LIPA: variants seen among roughly 807,000 people sequenced by gnomAD.
LIPA encodes lysosomal acid lipase/cholesteryl ester hydrolase.
A neutral mutation model predicts 40.6 loss-of-function variants in LIPA; 26 were observed. That is an observed-to-expected ratio of 0.64 (90% CI 0.47 to 0.89). The LOEUF (loss-of-function observed/expected upper bound fraction) is 0.89, where lower values mean the gene tolerates loss of function less well. LIPA is among the 40% of genes least tolerant of loss of function. The pLI, the probability that LIPA is intolerant of heterozygous loss-of-function variation, is 0.00. For synonymous variants in LIPA, 188 were observed against 168.4 expected, an observed-to-expected ratio of 1.12 and a Z score of -0.90; for missense variants, 455 against 479.6, an observed-to-expected ratio of 0.95 and a Z score of 0.48.
At chr10:89,333,215 GGTGTTGCTTGCA>G (rs1036960899) in intron 1 of LIPA, among the ~76,000 whole-genome samples, 5 of 152,306 alleles carry the variant, frequency 3.3e-5, no homozygotes, top group African/African-American at 1.2e-4. Context: ...ACAGGGAGAA[GGTGTTGCTTGCA>G]GTCTCTCAAA....
At chr10:89,293,125 C>G (rs1843385795) in intron 1 of LIPA, among the ~76,000 whole-genome samples, 1 of 152,134 alleles carries the variant, frequency 6.6e-6, no homozygotes, top group Non-Finnish European at 1.5e-5. Context: ...ATATTATTCT[C>G]ATGATAATGA....
chr10:89,395,189 A>G (rs1378496050), intron 2 of LIPA, among the ~76,000 whole-genome samples: 1 of 80,016 alleles, frequency 1.2e-5, no homozygotes, highest in South Asian at 5.3e-4. Flanking sequence ...CCCCACCCCC[A>G]CCCCACATGG....
intron 1 of LIPA, among the ~76,000 whole-genome samples, chr10:89,313,314 T>C (rs1306473860): frequency 6.6e-6 from 1 of 152,204 alleles, no homozygotes; most frequent in East Asian, 1.9e-4. Context: ...ATTTTTCAGT[T>C]TATCCTTTAG....
intron 6 of LIPA, 29 bp downstream of exon 6, chr10:89,225,063 G>T (rs369726199): frequency 1.2e-6 from 2 of 1,612,232 alleles, no homozygotes; most frequent in Non-Finnish European, 1.7e-6. Context: ...TCTGCGGGGA[G>T]AGGAGAGGGA....
At chr10:89,297,917 T>C (rs1481416904) in intron 1 of LIPA, among the ~76,000 whole-genome samples, 2 of 152,194 alleles carry the variant, frequency 1.3e-5, no homozygotes, top group Admixed American at 1.3e-4. Flanking sequence ...ATGGCCTCTG[T>C]GCCTAGGCTC....
In LIPA at chr10:89,316,133, A is replaced by C. The variant is rs566559079; in HGVS notation, c.-2+26478T>G. Among the ~76,000 whole-genome samples the C allele has an allele frequency of 2.6e-5, 4 of 152,296 alleles. No individual in the cohort carries two copies. The East Asian group carries it at 7.7e-4, about 29-fold the overall frequency. Reference sequence around the variant, plus strand: ...AAGATGGCCAAATAGGAACAGCTCCAGTCTATAGCTCCCAGCATGAGTGAT... The same window carrying C: ...AAGATGGCCAAATAGGAACAGCTCCCGTCTATAGCTCCCAGCATGAGTGAT... On this transcript the variant is annotated intron_variant, in intron 1 of 5. Coordinates refer to the LIPA transcript ENST00000282673.
intron 4 of LIPA, among the ~76,000 whole-genome samples, chr10:89,227,928 C>T (rs1047412363): frequency 3.3e-5 from 5 of 152,164 alleles, no homozygotes; most frequent in African/African-American, 9.7e-5. Context: ...TATGGAATAA[C>T]GTTTACCCAG....
intron 3 of LIPA, among the ~76,000 whole-genome samples, chr10:89,243,325 G>A (rs1218900750): frequency 6.6e-6 from 1 of 152,180 alleles, no homozygotes; most frequent in Non-Finnish European, 1.5e-5. Context: ...TTAGAGAACT[G>A]AGTTGTTCAC....
chr10:89,341,434 T>C (rs909025021), intron 1 of LIPA, among the ~76,000 whole-genome samples: 2 of 152,244 alleles, frequency 1.3e-5, no homozygotes, highest in African/African-American at 4.8e-5. Context: ...CATGGGGGAA[T>C]AGCCTCCATG....
At chr10:89,260,171 C>G (rs1027390633) in intron 1 of LIPA, among the ~76,000 whole-genome samples, 1 of 152,190 alleles carries the variant, frequency 6.6e-6, no homozygotes, top group Non-Finnish European at 1.5e-5. Context: ...AACCACCCAA[C>G]AGAGGTGTTT....
chr10:89,340,425 G>C, intron 1 of LIPA: 3 of 194,376 alleles, frequency 1.5e-5, no homozygotes, highest in Non-Finnish European at 3.2e-5. Flanking sequence ...AGGCGTGGTG[G>C]CTGGCACCTG....
intron 2 of LIPA, among the ~76,000 whole-genome samples, chr10:89,410,520 G>A (rs992693871): frequency 1.3e-5 from 2 of 152,260 alleles, no homozygotes; most frequent in African/African-American, 4.8e-5. Context: ...GACAGATTAT[G>A]CCATATTTAG....
chr10:89,232,962 C>T (rs1476193475), intron 3 of LIPA, among the ~76,000 whole-genome samples: 4 of 152,184 alleles, frequency 2.6e-5, no homozygotes, highest in Non-Finnish European at 4.4e-5. Context: ...ATGTGCTACC[C>T]AGGAGACCAC....
intron 2 of LIPA, chr10:89,384,786 T>A: frequency 7.1e-7 from 1 of 1,409,680 alleles, no homozygotes; most frequent in Non-Finnish European, 9.7e-7. Flanking sequence ...CTAAATAGAA[T>A]GACTATGAAA....
chr10:89,247,371 C>T (rs576103274), intron 2 of LIPA, among the ~76,000 whole-genome samples, 167 bp downstream of exon 2: 16 of 91,574 alleles, frequency 1.7e-4, no homozygotes, highest in African/African-American at 7.4e-4. Context: ...CAGAGTAAGA[C>T]TCTGCCTCAA....
At chr10:89,333,287 A>G (rs1843677704) in intron 1 of LIPA, among the ~76,000 whole-genome samples, 1 of 152,204 alleles carries the variant, frequency 6.6e-6, no homozygotes, top group South Asian at 2.1e-4. Context: ...CTTCTAATAG[A>G]ATGCAAATTT....
Position 89,223,813 on chromosome 10 carries a change from T to G in LIPA, c.693A>C (p.Lys231Asn). The G allele has an allele frequency of 6.2e-7, 1 of 1,614,138 alleles. No individual in the cohort carries two copies. Among genetic ancestry groups the G allele is most frequent in the Non-Finnish European group, 8.5e-7 (1 of 1,180,022 alleles). The change falls in exon 7 of 10, where the codon AAA (lysine) becomes AAC (asparagine). Residue 231 changes from lysine (K) to asparagine (N), a missense_variant. Transcript: ENST00000336233. ...AAAACGCACTCTGGGGAAGAAATTCTTTGTCTCCAAATAAGTCCTACAAAA... is the reference window on the plus strand; with the variant it reads ...AAAACGCACTCTGGGGAAGAAATTCGTTGTCTCCAAATAAGTCCTACAAAA... ...DHLIKDLFGD[K>N]EFLPQSAFLK...
Position 89,247,622 on chromosome 10 carries a change from C to G in LIPA, c.27G>C (p.Val9=), listed in dbSNP as rs768712010. 28 of 1,612,494 alleles carry G rather than the reference C, an allele frequency of 1.7e-5. No individual in the cohort carries two copies. Among genetic ancestry groups the G allele is most frequent in the East Asian group, 2.2e-5 (1 of 44,866 alleles). Residue 9 remains valine, a synonymous_variant, in exon 2 of 10, where the codon GTG becomes GTC. Coordinates refer to ENST00000336233, the MANE Select transcript of LIPA (RefSeq NM_000235.4). ...GCAGGGTCCAGAGAACCAAACAGAC[C>G]ACCAACCCCAAGAACCGCATTTTCA... MKMRFLGL[V]VCLVLWTLHS...
rs190008279 is a variant in LIPA, at chr10:89,234,017, C to T, written c.230-5619G>A. On this transcript the variant is annotated intron_variant, in intron 3 of 9. Coordinates refer to ENST00000336233, the MANE Select transcript of LIPA (RefSeq NM_000235.4). ...AGGGAGTCAGACACACGATGACTGT[C>T]TAACCCAGCAAGAAGAAGGCTAGAA... Among the ~76,000 whole-genome samples, 28 of 152,356 alleles carry T rather than the reference C, an allele frequency of 1.8e-4. 1 individual carries two copies. The East Asian group carries it at 5.0e-3, about 27-fold the overall frequency.
Sources: gnomAD v4.1 joint callset for allele counts (sites outside exome capture counted in the v4.1 genomes callset) on GRCh38, gnomAD v4.1.1 for gene constraint, MANE v1.5 for transcripts, NCBI Gene and HGNC (gene_info 2026-07-23, HGNC 2026-07-21) for gene names.